Variants in BLK observed in about 807,000 individuals in gnomAD.
The protein encoded by BLK is BLK proto-oncogene, Src family tyrosine kinase.
A neutral mutation model predicts 61.8 loss-of-function variants in BLK; 64 were observed. That is an observed-to-expected ratio of 1.03 (90% CI 0.85 to 1.27). The LOEUF is 1.27. Among genes scored for constraint, BLK ranks in the 50% most tolerant of loss-of-function variants. The probability of loss-of-function intolerance (pLI) is 0.00; values close to 1 mark genes in which losing one functional copy is unlikely to be tolerated. For missense variants in BLK, 853 were observed against 660.5 expected, an observed-to-expected ratio of 1.29 and a Z score of -3.19; for synonymous variants, 351 against 272.0, an observed-to-expected ratio of 1.29 and a Z score of -2.86.
chr8:11,547,675 T>C (rs1024361239), intron 3 of BLK, among the ~76,000 whole-genome samples: 3 of 152,168 alleles, frequency 2.0e-5, no homozygotes, highest in Non-Finnish European at 4.4e-5. Flanking sequence ...AGGGCAGGTG[T>C]AGAATAAGAA....
chr8:11,520,504 GAAGAAAGAAA>G (rs1475667945), intron 1 of BLK, among the ~76,000 whole-genome samples: 90 of 128,092 alleles, frequency 7.0e-4, no homozygotes, highest in African/African-American at 2.0e-3. Flanking sequence ...AAAAAAAAAG[GAAGAAAGAAA>G]AAGAAAGAAA....
At chr8:11,524,920 A>AAC (rs1489680470) in intron 1 of BLK, among the ~76,000 whole-genome samples, 1 of 149,408 alleles carries the variant, frequency 6.7e-6, no homozygotes, top group Non-Finnish European at 1.5e-5. Flanking sequence ...CTTTTTTACA[A>AAC]AAAAAAAAAA....
chr8:11,561,587 C>A, intron 11 of BLK, 135 bp downstream of exon 11: 1 of 1,210,422 alleles, frequency 8.3e-7, no homozygotes, highest in Non-Finnish European at 1.2e-6. Flanking sequence ...AGCTCTAGAT[C>A]AGCATTTCCT....
intron 6 of BLK, among the ~76,000 whole-genome samples, chr8:11,553,955 A>T (rs2255104): frequency 1 from 151,485 of 152,150 alleles, 75,414 homozygotes; most frequent in East Asian, 1. Flanking sequence ...GTACTGCTCG[A>T]GGTAGGCGCG....
intron 1 of BLK, among the ~76,000 whole-genome samples, chr8:11,532,819 A>G (rs1799943791): frequency 6.6e-6 from 1 of 152,198 alleles, no homozygotes; most frequent in Non-Finnish European, 1.5e-5. Flanking sequence ...ATGATTAGTG[A>G]GCGCTGAATA....
At chr8:11,522,741 G>GA (rs145632857) in intron 1 of BLK, among the ~76,000 whole-genome samples, 21,096 of 147,090 alleles carry the variant, frequency 0.14, 1,778 homozygotes, top group Non-Finnish European at 0.21. Flanking sequence ...ACATATTTCT[G>GA]AAAAAAAAAG....
At chr8:11,561,823 A>C (rs1053457535) in intron 11 of BLK, among the ~76,000 whole-genome samples, 4 of 139,656 alleles carry the variant, frequency 2.9e-5, no homozygotes, top group Non-Finnish European at 6.5e-5. Context: ...AGCTCCAAAT[A>C]CTATTTTTTT....
intron 1 of BLK, among the ~76,000 whole-genome samples, chr8:11,502,765 A>G (rs912775802): frequency 6.6e-6 from 1 of 152,120 alleles, no homozygotes; most frequent in African/African-American, 2.4e-5. Flanking sequence ...CCTGCAGCCA[A>G]GTGGGGACAA....
intron 1 of BLK, among the ~76,000 whole-genome samples, chr8:11,502,869 G>C (rs1798618827): frequency 6.6e-6 from 1 of 152,192 alleles, no homozygotes; most frequent in African/African-American, 2.4e-5. Context: ...GGTGGCAGGG[G>C]AAGGGGGGTG....
intron 1 of BLK, among the ~76,000 whole-genome samples, chr8:11,527,474 C>CTTT (rs569354838): frequency 6.9e-6 from 1 of 143,982 alleles, no homozygotes; most frequent in African/African-American, 2.5e-5. Flanking sequence ...ATTTTTCTTT[C>CTTT]TTTTTTTTTT....
rs1178021032 is a variant in BLK, at chr8:11,516,653, AG to A, written c.-2+22065del. 3.3e-5 allele frequency among the ~76,000 whole-genome samples: 5 copies of A among 152,276 alleles called. No homozygotes were observed. The East Asian group carries it at 9.6e-4, about 29-fold the overall frequency. On this transcript the variant is annotated intron_variant, in intron 1 of 12. Transcript: ENST00000259089. ...CTGTGTCGATGAATTGGGCTACTTT[AG>A]GGACTTCATTTAGGTGGAATCATAC...
At chr8:11,548,195 C>T (rs1585396598) in intron 4 of BLK, 70 bp downstream of exon 4, 7 of 1,321,246 alleles carry the variant, frequency 5.3e-6, no homozygotes, top group Non-Finnish European at 7.6e-6. Flanking sequence ...TTTCTCCACC[C>T]ACCACATCCT....
chr8:11,508,006 G>A (rs1484380434), intron 1 of BLK, among the ~76,000 whole-genome samples: 2 of 152,124 alleles, frequency 1.3e-5, no homozygotes, highest in Non-Finnish European at 2.9e-5. Context: ...TGGTCAAGTA[G>A]GGGGTCATCA....
At chr8:11,544,468 C>T (rs1231384314) in intron 2 of BLK, among the ~76,000 whole-genome samples, 2 of 152,178 alleles carry the variant, frequency 1.3e-5, no homozygotes, top group African/African-American at 2.4e-5. Context: ...ACCCAGGCAT[C>T]TTACCTATCT....
chr8:11,504,806 T>C (rs114903606), intron 1 of BLK, among the ~76,000 whole-genome samples: 1,657 of 152,346 alleles, frequency 0.011, 31 homozygotes, highest in African/African-American at 0.038. Flanking sequence ...CTCTCCAGCA[T>C]GTGGTGTTTG....
intron 3 of BLK, among the ~76,000 whole-genome samples, chr8:11,546,698 C>A (rs1314847608): frequency 6.6e-6 from 1 of 152,200 alleles, no homozygotes; most frequent in Non-Finnish European, 1.5e-5. Context: ...GCCTCAGCCT[C>A]CCAAGTAGCT....
At chr8:11,507,841 C>G (rs1416503797) in intron 1 of BLK, among the ~76,000 whole-genome samples, 1 of 152,130 alleles carries the variant, frequency 6.6e-6, no homozygotes, top group Non-Finnish European at 1.5e-5. Flanking sequence ...AGTTTTCTCC[C>G]CGAGCCAGCA....
chr8:11,515,428 G>T (rs1456599624), intron 1 of BLK, among the ~76,000 whole-genome samples: 2 of 152,206 alleles, frequency 1.3e-5, no homozygotes, highest in African/African-American at 4.8e-5. Context: ...CTCCACCTGA[G>T]TCCTCAGGGC....
Position 11,555,454 on chromosome 8 carries a change from G to C in BLK, c.742G>C (p.Gly248Arg), listed in dbSNP as rs763307492. The change falls in exon 8 of 13, where the codon GGG becomes CGG. Residue 248 changes from glycine (G) to arginine (R), a missense_variant. By Grantham distance (125) the Gly-to-Arg change is moderately radical. Transcript: ENST00000259089. ...RQSLRLVRKL[G>R]SGQFGEVWMG... ...GTCTCTCAGGCTGGTCAGGAAACTC[G>C]GGTCTGGACAATTCGGCGAAGTCTG... The C allele has an allele frequency of 5.0e-6, 8 of 1,614,016 alleles. No individual in the cohort carries two copies. Among genetic ancestry groups the C allele is most frequent in the Admixed American group, 1.7e-5 (1 of 60,004 alleles).
Sources: allele counts gnomAD v4.1 joint callset (sites outside exome capture counted in the v4.1 genomes callset), GRCh38; gene constraint gnomAD v4.1.1; transcripts MANE v1.5; gene names NCBI Gene and HGNC (gene_info 2026-07-23, HGNC 2026-07-21).